Variants in ADARB2 observed in about 807,000 individuals in gnomAD.
ADARB2 encodes the protein inactive double-stranded RNA-specific editase B2.
In ADARB2, 25 loss-of-function variants were observed where a neutral mutation model predicts 62.2. The observed-to-expected ratio is 0.40, with a 90% CI of 0.29 to 0.56. ADARB2 has a LOEUF of 0.56. ADARB2 is among the 20% of genes least tolerant of loss of function. ADARB2 has a pLI of 0.43. For synonymous variants in ADARB2, 572 were observed against 500.8 expected, an observed-to-expected ratio of 1.14 and a Z score of -1.90; for missense variants, 1,071 against 1,077.4, an observed-to-expected ratio of 0.99 and a Z score of 0.08.
intron 1 of ADARB2, among the ~76,000 whole-genome samples, chr10:1,540,285 A>T (rs1832399409): frequency 1.3e-5 from 2 of 151,780 alleles, no homozygotes; most frequent in Admixed American, 6.6e-5. Context: ...TCGGTGGCCA[A>T]CGTGGTCAGG....
chr10:1,218,016 TTA>T lies in ADARB2; in HGVS notation c.1514-899_1514-898del, dbSNP rs976259748. ...AGCATGAGCAAGAGGAAGCTTAAATTTATGTTTCTCTTTCTTTGAAAAAATTT... is the reference window on the plus strand; with the variant it reads ...AGCATGAGCAAGAGGAAGCTTAAATTTGTTTCTCTTTCTTTGAAAAAATTT... On this transcript the variant is annotated intron_variant, in intron 6 of 9. Coordinates refer to ENST00000381312, the MANE Select transcript of ADARB2 (RefSeq NM_018702.4). Among the ~76,000 whole-genome samples, 3 of 152,042 alleles carry T rather than the reference TTA, an allele frequency of 2.0e-5. No individual in the cohort carries two copies. In the East Asian group the frequency reaches 5.8e-4, roughly 29 times the overall value.
chr10:1,545,974 C>G (rs1011491724), intron 1 of ADARB2, among the ~76,000 whole-genome samples: 2 of 151,798 alleles, frequency 1.3e-5, no homozygotes, highest in African/African-American at 2.4e-5. Flanking sequence ...TTTGCTTTAT[C>G]TGAGTTTCTT....
chr10:1,615,832 G>A (rs1268499951), intron 1 of ADARB2, among the ~76,000 whole-genome samples: 2 of 152,232 alleles, frequency 1.3e-5, no homozygotes, highest in Admixed American at 1.3e-4. Context: ...CCTTCGGAAA[G>A]TGGGTGCTCC....
Position 1,731,777 on chromosome 10 carries a change from A to G in ADARB2, c.100+5274T>C, listed in dbSNP as rs1835235314. ...CAGCCCCTGCTGCTTTTCTTGAGCT[A>G]TCCTAACCACAGAGACGGCATCAAC... On this transcript the variant is annotated intron_variant, in intron 1 of 9. Coordinates refer to ENST00000381312, the MANE Select transcript of ADARB2 (RefSeq NM_018702.4). Among the ~76,000 whole-genome samples, 4 of 152,326 alleles carry G rather than the reference A, an allele frequency of 2.6e-5. No individual in the cohort carries two copies. In the South Asian group the frequency reaches 8.3e-4, roughly 32 times the overall value.
At chr10:1,570,445 CGGG>C (rs1832919705) in intron 1 of ADARB2, among the ~76,000 whole-genome samples, 1 of 75,196 alleles carries the variant, frequency 1.3e-5, no homozygotes, top group South Asian at 4.0e-4. Context: ...GGAAGCAGGA[CGGG>C]CAGGCACCAT....
At chr10:1,459,771 G>A (rs1472409916) in intron 1 of ADARB2, among the ~76,000 whole-genome samples, 1 of 152,134 alleles carries the variant, frequency 6.6e-6, no homozygotes, top group Admixed American at 6.5e-5. Context: ...CAAAAAAAAA[G>A]AATGATGAAG....
intron 1 of ADARB2, among the ~76,000 whole-genome samples, chr10:1,664,072 C>A (rs1834283644): frequency 6.6e-6 from 1 of 152,212 alleles, no homozygotes; most frequent in African/African-American, 2.4e-5. Context: ...TTCTGTGTGC[C>A]TGTGTTTTCA....
At chr10:1,441,482 ACACT>A (rs1279646627) in intron 1 of ADARB2, among the ~76,000 whole-genome samples, 6 of 152,320 alleles carry the variant, frequency 3.9e-5, no homozygotes, top group East Asian at 1.9e-4. Context: ...GTTTTGGAAG[ACACT>A]CAATAATAAA....
intron 1 of ADARB2, chr10:1,678,119 G>A (rs2119114206): frequency 1.0e-6 from 1 of 981,940 alleles, no homozygotes; most frequent in South Asian, 4.7e-5. Context: ...AAATTCCAAA[G>A]GAATGGGTGA....
chr10:1,534,117 G>A (rs1385669779), intron 1 of ADARB2, among the ~76,000 whole-genome samples: 1 of 150,682 alleles, frequency 6.6e-6, no homozygotes, highest in Non-Finnish European at 1.5e-5. Context: ...ATTAGAAGGC[G>A]ATTTTCCTGC....
At chr10:1,306,428 G>T (rs1367800929) in intron 3 of ADARB2, among the ~76,000 whole-genome samples, 1 of 151,718 alleles carries the variant, frequency 6.6e-6, no homozygotes, top group Admixed American at 6.6e-5. Context: ...ACAAATGGAA[G>T]AACATTCCAT....
intron 1 of ADARB2, among the ~76,000 whole-genome samples, chr10:1,733,970 G>T (rs187090901): frequency 4.0e-5 from 6 of 151,030 alleles, no homozygotes; most frequent in African/African-American, 1.2e-4. Context: ...TTGCCGCGAT[G>T]TAAAAATGAG....
intron 1 of ADARB2, among the ~76,000 whole-genome samples, chr10:1,608,586 A>C (rs1833524232): frequency 6.6e-6 from 1 of 150,524 alleles, no homozygotes; most frequent in East Asian, 1.9e-4. Flanking sequence ...GGAGAGAGGA[A>C]GGAAAAAAGG....
chr10:1,559,543 G>A (rs1477428492), intron 1 of ADARB2, among the ~76,000 whole-genome samples: 1 of 152,128 alleles, frequency 6.6e-6, no homozygotes, highest in Non-Finnish European at 1.5e-5. Context: ...TTAAGCTACC[G>A]TGACAGGGGA....
chr10:1,585,871 A>G (rs1383069504), intron 1 of ADARB2, among the ~76,000 whole-genome samples: 1 of 152,092 alleles, frequency 6.6e-6, no homozygotes, highest in Non-Finnish European at 1.5e-5. Flanking sequence ...CGTCTCTACT[A>G]AAAATACAAA....
At chr10:1,570,239 C>T (rs910404572) in intron 1 of ADARB2, among the ~76,000 whole-genome samples, 3 of 152,142 alleles carry the variant, frequency 2.0e-5, no homozygotes, top group Admixed American at 6.5e-5. Flanking sequence ...AAAATGTTTG[C>T]GGTATGGTGA....
At chr10:1,267,586 T>G (rs1468734068) in intron 4 of ADARB2, among the ~76,000 whole-genome samples, 2 of 152,084 alleles carry the variant, frequency 1.3e-5, no homozygotes, top group Non-Finnish European at 2.9e-5. Context: ...GCACGTATGG[T>G]AAAGGCACAA....
intron 1 of ADARB2, among the ~76,000 whole-genome samples, chr10:1,475,114 C>G (rs1325853174): frequency 6.6e-6 from 1 of 152,142 alleles, no homozygotes; most frequent in Non-Finnish European, 1.5e-5. Flanking sequence ...ATCAACGCGG[C>G]GTCGTCAAGC....
intron 1 of ADARB2, among the ~76,000 whole-genome samples, chr10:1,401,622 A>G (rs906562567): frequency 1.3e-5 from 2 of 152,200 alleles, no homozygotes; most frequent in Admixed American, 1.3e-4. Context: ...CGGCACCAGC[A>G]AGGAGGCTAC....
Sources: allele counts gnomAD v4.1 joint callset (sites outside exome capture counted in the v4.1 genomes callset), GRCh38; gene constraint gnomAD v4.1.1; transcripts MANE v1.5; gene names NCBI Gene and HGNC (gene_info 2026-07-23, HGNC 2026-07-21).